Variants in ANKS1B observed in about 807,000 individuals in gnomAD.
The protein encoded by ANKS1B is ankyrin repeat and sterile alpha motif domain containing 1B.
Under a neutral mutation model 148.3 loss-of-function variants are expected in ANKS1B, and 36 were observed. That is an observed-to-expected ratio of 0.24 (90% CI 0.19 to 0.32). The LOEUF (loss-of-function observed/expected upper bound fraction) is 0.32. ANKS1B is among the 10% of genes least tolerant of loss of function. The probability of loss-of-function intolerance (pLI) is 1.00; values close to 1 mark genes in which losing one functional copy is unlikely to be tolerated. For synonymous variants in ANKS1B, 542 were observed against 560.8 expected (o/e 0.97, Z 0.47); for missense variants, 1,157 against 1,542.6 (o/e 0.75, Z 4.19).
At chr12:99,977,910 C>G (rs542079224) in intron 1 of ANKS1B, among the ~76,000 whole-genome samples, 1 of 152,118 alleles carries the variant, frequency 6.6e-6, no homozygotes, top group African/African-American at 2.4e-5. Context: ...GCAATATGTC[C>G]AAAACGGAAA....
At chr12:99,253,048 A>T (rs2074818330) in intron 12 of ANKS1B, among the ~76,000 whole-genome samples, 1 of 152,050 alleles carries the variant, frequency 6.6e-6, no homozygotes, top group Non-Finnish European at 1.5e-5. Context: ...ACATAGCAAG[A>T]CCTCATCTGT....
chr12:99,177,841 T>C (rs912038634), intron 14 of ANKS1B, among the ~76,000 whole-genome samples: 9 of 152,346 alleles, frequency 5.9e-5, no homozygotes, highest in African/African-American at 1.9e-4. Context: ...AATCAGCAGA[T>C]GCTTTACTAC....
chr12:99,587,909 C>G (rs879485484), intron 9 of ANKS1B, among the ~76,000 whole-genome samples: 28 of 151,890 alleles, frequency 1.8e-4, no homozygotes, highest in Admixed American at 5.2e-4. Flanking sequence ...TCCAATAGAG[C>G]AGTTAAGAGA....
chr12:99,537,420 C>G (rs2097081861), intron 9 of ANKS1B, among the ~76,000 whole-genome samples: 1 of 152,118 alleles, frequency 6.6e-6, no homozygotes, highest in Non-Finnish European at 1.5e-5. Flanking sequence ...TCCTCACCAG[C>G]ACTTGTTATT....
At chr12:99,915,970 T>G (rs7310060) in intron 1 of ANKS1B, among the ~76,000 whole-genome samples, 95,523 of 152,018 alleles carry the variant, frequency 0.63, 31,560 homozygotes, top group African/African-American at 0.77. Flanking sequence ...TCTGTGTCAA[T>G]ATTTTCTTTT....
intron 14 of ANKS1B, among the ~76,000 whole-genome samples, chr12:99,191,044 G>A (rs1566594479): frequency 6.6e-6 from 1 of 151,452 alleles, no homozygotes. Flanking sequence ...TGAAGGATAT[G>A]AACAGACACT....
intron 11 of ANKS1B, among the ~76,000 whole-genome samples, chr12:99,424,725 G>A (rs567147322): frequency 6.6e-6 from 1 of 151,644 alleles, no homozygotes; most frequent in South Asian, 2.1e-4. Flanking sequence ...CTGTCTGTCT[G>A]TCTAGTTAAA....
chr12:99,264,853 C>T (rs987303292), intron 12 of ANKS1B, among the ~76,000 whole-genome samples: 3 of 152,082 alleles, frequency 2.0e-5, no homozygotes, highest in Admixed American at 1.3e-4. Context: ...TGCCATATTG[C>T]ACAACTCTAG....
intron 12 of ANKS1B, among the ~76,000 whole-genome samples, chr12:99,360,558 T>C (rs1025206435): frequency 7.9e-5 from 12 of 152,136 alleles, no homozygotes; most frequent in African/African-American, 2.9e-4. Flanking sequence ...TTATGAAATA[T>C]TGTGAAAGAG....
At chr12:98,825,938 T>A (rs2099245464) in intron 19 of ANKS1B, among the ~76,000 whole-genome samples, 1 of 152,230 alleles carries the variant, frequency 6.6e-6, no homozygotes, top group Non-Finnish European at 1.5e-5. Context: ...TAAAATGAGA[T>A]AACAGATGTC....
At chr12:99,428,588 G>A (rs1567082808) in intron 11 of ANKS1B, among the ~76,000 whole-genome samples, 1 of 152,152 alleles carries the variant, frequency 6.6e-6, no homozygotes, top group Non-Finnish European at 1.5e-5. Flanking sequence ...TGAGATGGAT[G>A]GACACAGAAA....
At chr12:99,014,504 A>G (rs1016798656) in intron 17 of ANKS1B, among the ~76,000 whole-genome samples, 1 of 152,246 alleles carries the variant, frequency 6.6e-6, no homozygotes, top group Non-Finnish European at 1.5e-5. Context: ...AATTGCAACA[A>G]AAGCAAAAAT....
intron 12 of ANKS1B, among the ~76,000 whole-genome samples, chr12:99,258,610 G>GTTTTTTTT (rs56955440): frequency 1.5e-5 from 2 of 134,794 alleles, no homozygotes; most frequent in Non-Finnish European, 1.6e-5. Flanking sequence ...TTATCCACTT[G>GTTTTTTTT]TTTTTTTTTT....
At chr12:99,478,190 C>T (rs1236993266) in intron 10 of ANKS1B, among the ~76,000 whole-genome samples, 1 of 152,066 alleles carries the variant, frequency 6.6e-6, no homozygotes, top group African/African-American at 2.4e-5. Context: ...CTTCAGGGTC[C>T]AGCTCTTTCA....
At chr12:99,582,090 A>G (rs1567403648) in intron 9 of ANKS1B, among the ~76,000 whole-genome samples, 1 of 152,028 alleles carries the variant, frequency 6.6e-6, no homozygotes, top group Non-Finnish European at 1.5e-5. Context: ...TGAATGGCAA[A>G]TAATAAGCAC....
chr12:99,398,071 G>C (rs1220855465), intron 12 of ANKS1B, among the ~76,000 whole-genome samples: 2 of 152,082 alleles, frequency 1.3e-5, no homozygotes, highest in East Asian at 3.9e-4. Context: ...CACTGGATAT[G>C]GTAAGGAGTT....
chr12:98,982,525 C>T lies in ANKS1B; in HGVS notation c.2778+70632G>A, dbSNP rs1050507127. On this transcript the variant is annotated intron_variant, in intron 17 of 26. Coordinates refer to ENST00000683438, the MANE Select transcript of ANKS1B (RefSeq NM_001352186.2). ...TCCCTCCCTCTTAGAAATGACTACTCTCTTGAATTTTGTTTTTATCATCCT... is the reference window on the plus strand; with the variant it reads ...TCCCTCCCTCTTAGAAATGACTACTTTCTTGAATTTTGTTTTTATCATCCT... Among the ~76,000 whole-genome samples, 4 of 152,176 alleles carry T rather than the reference C, an allele frequency of 2.6e-5. No individual in the cohort carries two copies. In the South Asian group the frequency reaches 8.3e-4, roughly 32 times the overall value.
chr12:99,831,839 C>G (rs185820810), intron 1 of ANKS1B, among the ~76,000 whole-genome samples: 115 of 152,134 alleles, frequency 7.6e-4, no homozygotes, highest in Non-Finnish European at 1.2e-3. Flanking sequence ...ATATATGTGA[C>G]AGATAAACAG....
intron 2 of ANKS1B, among the ~76,000 whole-genome samples, chr12:99,815,718 C>T (rs2069027368): frequency 6.6e-6 from 1 of 151,670 alleles, no homozygotes; most frequent in South Asian, 2.1e-4. Context: ...AGCTTAGCTC[C>T]CACTTAGAAG....
Sources: gnomAD v4.1 joint callset for allele counts (sites outside exome capture counted in the v4.1 genomes callset) on GRCh38, gnomAD v4.1.1 for gene constraint, MANE v1.5 for transcripts, NCBI Gene and HGNC (gene_info 2026-07-23, HGNC 2026-07-21) for gene names.